Variants in PAAF1 observed in about 807,000 individuals in gnomAD.
PAAF1 encodes the protein proteasomal ATPase associated factor 1, also known as proteasomal ATPase-associated factor 1.
PAAF1 carries 46 observed loss-of-function variants against 52.8 expected under a neutral mutation model. The observed-to-expected ratio is 0.87, with a 90% CI of 0.69 to 1.11. PAAF1 has a LOEUF of 1.11. Among genes scored for constraint, PAAF1 ranks in the 50% most tolerant of loss-of-function variants. PAAF1 has a pLI of 0.00. For missense variants in PAAF1, 424 were observed against 477.4 expected, an observed-to-expected ratio of 0.89 and a Z score of 1.04; for synonymous variants, 178 against 172.8, an observed-to-expected ratio of 1.03 and a Z score of -0.24.
intron 6 of PAAF1, among the ~76,000 whole-genome samples, chr11:73,906,020 T>C (rs1035942717): frequency 1.3e-5 from 2 of 152,210 alleles, no homozygotes; most frequent in African/African-American, 2.4e-5. Flanking sequence ...TTTTGCTGAA[T>C]GTATTATGGA....
At chr11:73,910,108 C>T (rs1210100773) in intron 7 of PAAF1, among the ~76,000 whole-genome samples, 2 of 152,188 alleles carry the variant, frequency 1.3e-5, no homozygotes, top group East Asian at 1.9e-4. Flanking sequence ...ATTCTTTTAG[C>T]GATAGAGTCC....
At chr11:73,913,902 ATTG>A (rs1949997488) in intron 7 of PAAF1, among the ~76,000 whole-genome samples, 2 of 152,080 alleles carry the variant, frequency 1.3e-5, no homozygotes, top group Non-Finnish European at 2.9e-5. Flanking sequence ...AGTTGGGCTT[ATTG>A]CCAGCCATGG....
intron 3 of PAAF1, 25 bp from the exon 4 acceptor site, chr11:73,891,087 A>G: frequency 1.4e-6 from 2 of 1,380,066 alleles, no homozygotes; most frequent in Non-Finnish European, 2.1e-6. Context: ...TTACTGATGA[A>G]TCTCATCTTT....
At position 73,929,392 on chromosome 11, in the gene PAAF1, C is replaced by A. The variant is rs778637477; in HGVS notation, c.*2030C>A. 6.6e-6 allele frequency: 1 copy of A among 152,090 alleles called. No homozygotes were observed. Among genetic ancestry groups the A allele is most frequent in the African/African-American group, 2.4e-5 (1 of 41,408 alleles). 9.4% of individuals were successfully genotyped at this position (152,090 alleles called of 1,614,324 possible). On this transcript the variant is annotated 3_prime_UTR_variant, in exon 12 of 12. Coordinates refer to ENST00000310571, the MANE Select transcript of PAAF1 (RefSeq NM_025155.3). ...TAAATCCCATTTTTTTCTACAACAC[C>A]CTGTTACTTAAACCAAAGTGTAAAA...
chr11:73,913,160 A>G (rs765495666), intron 7 of PAAF1, among the ~76,000 whole-genome samples: 9 of 152,168 alleles, frequency 5.9e-5, no homozygotes, highest in Non-Finnish European at 1.0e-4. Flanking sequence ...TACAGGCGTG[A>G]GCCACCGCAC....
chr11:73,896,990 A>C (rs1303255682), intron 4 of PAAF1, among the ~76,000 whole-genome samples: 4 of 89,708 alleles, frequency 4.5e-5, no homozygotes, highest in Admixed American at 1.2e-4. Flanking sequence ...TGACCCCCCC[A>C]CCTCCCTCCT....
At chr11:73,918,896 C>A in intron 9 of PAAF1, 54 bp from the exon 10 acceptor site, 1 of 1,342,650 alleles carries the variant, frequency 7.4e-7, no homozygotes, top group South Asian at 1.2e-5. Context: ...TGAATATAGT[C>A]AAGTATTGCT....
At chr11:73,903,789 A>G (rs1184933017) in intron 6 of PAAF1, among the ~76,000 whole-genome samples, 1 of 150,784 alleles carries the variant, frequency 6.6e-6, no homozygotes, top group Non-Finnish European at 1.5e-5. Flanking sequence ...AAAAAGAAAC[A>G]TTAAAAAAAA....
rs762175614 is a variant in PAAF1, at chr11:73,899,170, A to G, written c.307A>G (p.Arg103Gly). 36 of 1,614,082 alleles carry G rather than the reference A, an allele frequency of 2.2e-5. No individual in the cohort carries two copies. In the East Asian group the frequency reaches 7.4e-4, roughly 33 times the overall value. Reference sequence around the variant, plus strand: ...GATAACATGCCTGGACATTTCCAGCAGAGGAGGTCTTGGTGTGTCTTCTAG... The same window carrying G: ...GATAACATGCCTGGACATTTCCAGCGGAGGAGGTCTTGGTGTGTCTTCTAG... ...KSITCLDISS[R>G]GGLGVSSSTD... Residue 103 changes from arginine (R) to glycine (G), a missense_variant, in exon 5 of 12, where the codon AGA becomes GGA. Physicochemically the swap from Arg to Gly is moderately radical, Grantham distance 125 (BLOSUM62 -2). Coordinates refer to ENST00000310571, the MANE Select transcript of PAAF1 (RefSeq NM_025155.3).
In PAAF1 at chr11:73,926,232, G is replaced by A. The variant is rs901052036; in HGVS notation, c.1102-1053G>A. On this transcript the variant is annotated intron_variant, in intron 11 of 11. Transcript: ENST00000310571. ...AGCGATTCTCCTGCCTCAGCCTCTCGAGCAGCTGGGATTACAGGCATGCGC... is the reference window on the plus strand; with the variant it reads ...AGCGATTCTCCTGCCTCAGCCTCTCAAGCAGCTGGGATTACAGGCATGCGC... Among the ~76,000 whole-genome samples the A allele has an allele frequency of 3.9e-5, 6 of 152,002 alleles. No homozygotes were observed. The South Asian group carries it at 6.2e-4, about 16-fold the overall frequency.
At chr11:73,891,906 G>A (rs1158153954) in intron 4 of PAAF1, among the ~76,000 whole-genome samples, 1 of 152,034 alleles carries the variant, frequency 6.6e-6, no homozygotes, top group Non-Finnish European at 1.5e-5. Flanking sequence ...ATTTTCAAAG[G>A]TCTTTGTGAT....
At chr11:73,914,383 T>A in intron 7 of PAAF1, 30 bp from the exon 8 acceptor site, 1 of 1,603,322 alleles carries the variant, frequency 6.2e-7, no homozygotes, top group Non-Finnish European at 8.5e-7. Context: ...TCAGCCTCAC[T>A]GTTATTAACA....
intron 4 of PAAF1, among the ~76,000 whole-genome samples, chr11:73,894,641 A>G (rs1329055083): frequency 6.6e-6 from 1 of 151,872 alleles, no homozygotes; most frequent in Non-Finnish European, 1.5e-5. Context: ...TAATAAAAAA[A>G]AATCTACTAA....
chr11:73,903,419 A>G (rs1201827983), intron 6 of PAAF1, among the ~76,000 whole-genome samples: 1 of 152,138 alleles, frequency 6.6e-6, no homozygotes, highest in Non-Finnish European at 1.5e-5. Context: ...GTGACTTAAA[A>G]AGAAAAAAAA....
At chr11:73,914,790 C>T (rs1473150493) in intron 8 of PAAF1, among the ~76,000 whole-genome samples, 1 of 151,434 alleles carries the variant, frequency 6.6e-6, no homozygotes, top group Non-Finnish European at 1.5e-5. Flanking sequence ...TCACTGCAAC[C>T]TCCACCTCCT....
chr11:73,906,633 A>G lies in PAAF1; in HGVS notation c.533-2766A>G, dbSNP rs186499049. ...GGTCCCACCTGAGTTGCTTTTAATGATATTTTCTCACACAGACCCTAAATT... is the reference window on the plus strand; with the variant it reads ...GGTCCCACCTGAGTTGCTTTTAATGGTATTTTCTCACACAGACCCTAAATT... On this transcript the variant is annotated intron_variant, in intron 6 of 11. Coordinates refer to ENST00000310571, the MANE Select transcript of PAAF1 (RefSeq NM_025155.3). Among the ~76,000 whole-genome samples the G allele has an allele frequency of 6.0e-4, 92 of 152,272 alleles. 1 individual carries two copies. Among genetic ancestry groups the G allele is most frequent in the Middle Eastern group, 3.4e-3 (1 of 294 alleles).
chr11:73,918,097 G>C (rs993864841), intron 9 of PAAF1, among the ~76,000 whole-genome samples: 21 of 152,278 alleles, frequency 1.4e-4, no homozygotes, highest in African/African-American at 5.1e-4. Context: ...AGTAAAGAAG[G>C]AGGAAAAGAG....
At chr11:73,889,361 C>T in intron 3 of PAAF1, 1 of 589,676 alleles carries the variant, frequency 1.7e-6, no homozygotes, top group East Asian at 3.3e-5. Flanking sequence ...GCTTAAATGT[C>T]TAACCCTGGA....
At position 73,887,476 on chromosome 11, in the gene PAAF1, T is replaced by C; in HGVS notation, c.192+19T>C. Reference sequence around the variant, plus strand: ...AAACAAGGTATGTTTTTATGTCTTCTAGATGGCATGATATTTAAAACTATG... The same window carrying C: ...AAACAAGGTATGTTTTTATGTCTTCCAGATGGCATGATATTTAAAACTATG... On this transcript the variant is annotated intron_variant, in intron 3 of 11. Transcript: ENST00000310571. 6.5e-7 allele frequency: 1 copy of C among 1,527,350 alleles called. No individual in the cohort carries two copies. The highest frequency in any genetic ancestry group is 8.9e-7 in the Non-Finnish European group (1 of 1,119,622). The allele number at this position is 1,527,350 out of a possible 1,614,324, so 94.6% of individuals were successfully genotyped here.
Sources: gnomAD v4.1 joint callset for allele counts (sites outside exome capture counted in the v4.1 genomes callset) on GRCh38, gnomAD v4.1.1 for gene constraint, MANE v1.5 for transcripts, NCBI Gene and HGNC (gene_info 2026-07-23, HGNC 2026-07-21) for gene names.